The following CNNM2 variants were observed in gnomAD, a reference collection of about 807,000 sequenced individuals.
CNNM2 encodes metal transporter CNNM2.
In CNNM2, 12 loss-of-function variants were observed where a neutral mutation model predicts 66.9. The observed-to-expected ratio is 0.18, with a 90% CI of 0.11 to 0.29. The LOEUF (loss-of-function observed/expected upper bound fraction) is 0.29, where lower values mean the gene tolerates loss of function less well. CNNM2 is among the 10% of genes least tolerant of loss of function. CNNM2 has a pLI of 1.00. For synonymous variants in CNNM2, 557 were observed against 501.8 expected, an observed-to-expected ratio of 1.11 and a Z score of -1.47; for missense variants, 705 against 1,167.7, an observed-to-expected ratio of 0.60 and a Z score of 5.77.
intron 1 of CNNM2, among the ~76,000 whole-genome samples, chr10:102,979,608 T>A (rs1233398760): frequency 1.3e-5 from 2 of 152,222 alleles, no homozygotes; most frequent in Non-Finnish European, 2.9e-5. Context: ...CACCAGGGAC[T>A]TTGTTTTTTT....
intron 2 of CNNM2, among the ~76,000 whole-genome samples, chr10:103,053,119 G>C (rs1490973336): frequency 1.3e-5 from 2 of 152,218 alleles, no homozygotes; most frequent in Non-Finnish European, 2.9e-5. Flanking sequence ...GGTTTTGCAG[G>C]AGTTACCTTC....
intron 1 of CNNM2, 138 bp from the exon 2 acceptor site, chr10:103,049,568 CA>C (rs2065182872): frequency 2.5e-6 from 2 of 806,868 alleles, no homozygotes; most frequent in Admixed American, 5.1e-5. Context: ...TGTGATGTCT[CA>C]GTACCATTTT....
chr10:102,952,083 G>A (rs1027260144), intron 1 of CNNM2, among the ~76,000 whole-genome samples: 1 of 151,836 alleles, frequency 6.6e-6, no homozygotes, highest in African/African-American at 2.4e-5. Flanking sequence ...GATCACAGGC[G>A]TGAGCCACCA....
chr10:103,003,727 C>T lies in CNNM2; in HGVS notation c.1622-45980C>T, dbSNP rs550380526. ...TGCTGTGGTTGCATTGAGCCAAGATCGCGCCACTGCACTCCAGCCTGGGCA... is the reference window on the plus strand; with the variant it reads ...TGCTGTGGTTGCATTGAGCCAAGATTGCGCCACTGCACTCCAGCCTGGGCA... On this transcript the variant is annotated intron_variant, in intron 1 of 7. Coordinates refer to ENST00000369878, the MANE Select transcript of CNNM2 (RefSeq NM_017649.5). Among the ~76,000 whole-genome samples the T allele has an allele frequency of 5.3e-5, 8 of 151,974 alleles. No homozygotes were observed. The South Asian group carries it at 8.3e-4, about 16-fold the overall frequency.
chr10:103,029,935 G>A (rs2064792130), intron 1 of CNNM2, among the ~76,000 whole-genome samples: 1 of 152,094 alleles, frequency 6.6e-6, no homozygotes. Context: ...TGCCCTAATG[G>A]AGCCAATGAA....
chr10:103,019,618 T>C (rs1037136315), intron 1 of CNNM2, among the ~76,000 whole-genome samples: 7 of 152,048 alleles, frequency 4.6e-5, no homozygotes, highest in Non-Finnish European at 8.8e-5. Context: ...CGTCTCACCA[T>C]GTAGCATTCT....
In CNNM2 at chr10:103,012,639, C is replaced by CTTT. The variant is rs78646079; in HGVS notation, c.1622-37048_1622-37046dup. Among the ~76,000 whole-genome samples, 28 of 118,046 alleles carry CTTT rather than the reference C, an allele frequency of 2.4e-4. 1 individual carries two copies. Among genetic ancestry groups the CTTT allele is most frequent in the African/African-American group, 7.4e-4 (23 of 31,218 alleles). 77.4% of individuals were successfully genotyped at this position (118,046 alleles called of 152,430 possible). On this transcript the variant is annotated intron_variant, in intron 1 of 7. Coordinates refer to ENST00000369878, the MANE Select transcript of CNNM2 (RefSeq NM_017649.5). ...CTCCAGCCTGGGAAACAGAGCAAGA[C>CTTT]TTTTTTTTTTTTTTTTTTTTTTAAA...
At chr10:103,025,828 T>G (rs2064690942) in intron 1 of CNNM2, among the ~76,000 whole-genome samples, 1 of 152,248 alleles carries the variant, frequency 6.6e-6, no homozygotes, top group Non-Finnish European at 1.5e-5. Flanking sequence ...TTTAACAGCC[T>G]GCTTTTACTG....
At position 102,979,983 on chromosome 10, in the gene CNNM2, G is replaced by A. The variant is rs539942416; in HGVS notation, c.1621+59882G>A. The stretch of plus-strand genomic sequence containing the variant: ...GCCTGGAGTGCGGCGGGGTGATCTC[G>A]GCTCACTGCAATCTCTGCCTCCTGG... On this transcript the variant is annotated intron_variant, in intron 1 of 7. Transcript: ENST00000369878. Among the ~76,000 whole-genome samples, 24 of 151,442 alleles carry A rather than the reference G, an allele frequency of 1.6e-4. No homozygotes were observed. In the East Asian group the frequency reaches 4.7e-3, roughly 29 times the overall value.
chr10:103,054,615 T>C lies in CNNM2; in HGVS notation c.1903+149T>C. 1.2e-6 allele frequency: 1 copy of C among 812,274 alleles called. No individual in the cohort carries two copies. Among genetic ancestry groups the C allele is most frequent in the Non-Finnish European group, 1.9e-6 (1 of 527,178 alleles). The allele number at this position is 812,274 out of a possible 1,614,324, so 50.3% of individuals were successfully genotyped here. On this transcript the variant is annotated intron_variant, in intron 3 of 7. Transcript: ENST00000369878. This position sits in a 1 kb window ranked among gnomAD's most constrained non-coding sequence, Gnocchi z 5.2. ...GTGTTTTGTTTTTTTTGTTTTTTTG[T>C]TTTGTTTTGTTTTTTTCTTTTTAAA...
intron 1 of CNNM2, among the ~76,000 whole-genome samples, chr10:103,009,416 G>A (rs574317230): frequency 1.3e-5 from 2 of 152,216 alleles, no homozygotes; most frequent in South Asian, 4.1e-4. Flanking sequence ...TTTAGGCTGG[G>A]TATGATGGCT....
chr10:103,036,128 GACACAC>G (rs140473396), intron 1 of CNNM2, among the ~76,000 whole-genome samples: 1 of 150,060 alleles, frequency 6.7e-6, no homozygotes, highest in Non-Finnish European at 1.5e-5. Context: ...AAACCAATAG[GACACAC>G]ACACACACAC....
chr10:103,019,088 C>T (rs940869753), intron 1 of CNNM2, among the ~76,000 whole-genome samples: 11 of 151,434 alleles, frequency 7.3e-5, no homozygotes, highest in Non-Finnish European at 1.2e-4. Flanking sequence ...GGCAGCACGG[C>T]GAGATCCCAT....
chr10:103,010,133 A>C (rs545218942), intron 1 of CNNM2, among the ~76,000 whole-genome samples: 13 of 152,342 alleles, frequency 8.5e-5, no homozygotes, highest in Admixed American at 2.0e-4. Flanking sequence ...TATTTGATTT[A>C]GAACAATTTA....
intron 5 of CNNM2, 60 bp downstream of exon 5, chr10:103,068,782 C>T (rs2065523474): frequency 6.8e-6 from 9 of 1,319,540 alleles, no homozygotes; most frequent in Non-Finnish European, 9.5e-6. Context: ...AGGCCCCTCT[C>T]CTTTCATCTT....
intron 1 of CNNM2, among the ~76,000 whole-genome samples, chr10:102,970,600 C>T (rs1221397994): frequency 6.6e-6 from 1 of 152,098 alleles, no homozygotes; most frequent in Non-Finnish European, 1.5e-5. Flanking sequence ...CCTTTTGGTT[C>T]AGTTCCTTTT....
chr10:102,983,599 C>T (rs574562952), intron 1 of CNNM2, among the ~76,000 whole-genome samples: 8 of 151,860 alleles, frequency 5.3e-5, no homozygotes, highest in East Asian at 1.9e-4. Flanking sequence ...CCACGATGCT[C>T]GGCTAGTTTT....
chr10:102,956,849 T>C (rs762660604), intron 1 of CNNM2, among the ~76,000 whole-genome samples: 22 of 152,188 alleles, frequency 1.4e-4, no homozygotes, highest in South Asian at 4.2e-4. Context: ...AGGGATAGCA[T>C]TGGGAGAAAT....
chr10:102,962,394 C>G (rs753137489), intron 1 of CNNM2, among the ~76,000 whole-genome samples: 1 of 152,100 alleles, frequency 6.6e-6, no homozygotes, highest in African/African-American at 2.4e-5. Flanking sequence ...GAGGTGGGTG[C>G]TATCACTGTG....
Sources: allele counts gnomAD v4.1 joint callset (sites outside exome capture counted in the v4.1 genomes callset), GRCh38; gene constraint gnomAD v4.1.1; non-coding constraint Gnocchi (gnomAD v3.1); transcripts MANE v1.5; gene names NCBI Gene and HGNC (gene_info 2026-07-23, HGNC 2026-07-21).